The following IMPDH1 variants were observed in gnomAD, a reference collection of about 807,000 sequenced individuals.
IMPDH1 encodes inosine monophosphate dehydrogenase 1.
IMPDH1 carries 41 observed loss-of-function variants against 73.5 expected under a neutral mutation model. The observed-to-expected ratio is 0.56, with a 90% confidence interval of 0.43 to 0.72. The LOEUF (loss-of-function observed/expected upper bound fraction) is 0.72, where lower values mean the gene tolerates loss of function less well. Ranked by LOEUF, IMPDH1 falls within the 30% of genes least tolerant of loss-of-function variation. IMPDH1 has a pLI of 0.00. For missense variants in IMPDH1, 645 were observed against 824.8 expected (o/e 0.78, Z 2.67); for synonymous variants, 318 against 334.3 (o/e 0.95, Z 0.53).
rs1797734722 is a variant in IMPDH1 at position 128,394,160 on chromosome 7, C to T, written c.1778+118G>A. ...GTGAGGGGCCATCCTGCAGCAGCAT[C>T]TGTCCCTGCTGCAGGTGGTCCATGG... On this transcript the variant is annotated intron_variant, in intron 16 of 16. Coordinates refer to ENST00000338791, the MANE Select transcript of IMPDH1 (RefSeq NM_000883.4). This position sits in a 1 kb window ranked among gnomAD's most constrained non-coding sequence, Gnocchi z 5.5. 1.2e-6 allele frequency: 1 copy of T among 804,734 alleles called. No individual in the cohort carries two copies. Among genetic ancestry groups the T allele is most frequent in the Non-Finnish European group, 2.2e-6 (1 of 464,000 alleles). The allele number at this position is 804,734 out of a possible 1,614,324, so 49.8% of individuals were successfully genotyped here.
chr7:128,408,795 G>C (rs1036709702), intron 3 of IMPDH1, among the ~76,000 whole-genome samples: 2 of 152,240 alleles, frequency 1.3e-5, no homozygotes, highest in Admixed American at 1.3e-4. Context: ...TTCTAGGACA[G>C]GAGAAAGGCT....
rs1217307511 is a variant in IMPDH1 at position 128,396,857 on chromosome 7, G to T, written c.1165+75C>A. The T allele has an allele frequency of 1.2e-5, 15 of 1,233,890 alleles. No individual in the cohort carries two copies. Among genetic ancestry groups the T allele is most frequent in the Admixed American group, 3.4e-5 (2 of 58,442 alleles). 76.4% of individuals were successfully genotyped at this position (1,233,890 alleles called of 1,614,324 possible). A position where few individuals can be genotyped will look rare whatever the true frequency, so the allele number is the denominator to read the frequency against. On this transcript the variant is annotated intron_variant, in intron 11 of 16. Coordinates refer to ENST00000338791, the MANE Select transcript of IMPDH1 (RefSeq NM_000883.4). The surrounding 1 kb of genome is among the most constrained non-coding windows in gnomAD (Gnocchi z 4.0). Reference sequence around the variant, plus strand: ...TGCCAGGAGCCATACCATCACCTAGGGATGCTGAAGGACAGAAAAGGGTTA... The same window carrying T: ...TGCCAGGAGCCATACCATCACCTAGTGATGCTGAAGGACAGAAAAGGGTTA...
chr7:128,396,894 G>T lies in IMPDH1; in HGVS notation c.1165+38C>A. 7.0e-7 allele frequency: 1 copy of T among 1,435,770 alleles called. No individual in the cohort carries two copies. The highest frequency in any genetic ancestry group is 9.8e-7 in the Non-Finnish European group (1 of 1,017,876). 88.9% of individuals were successfully genotyped at this position (1,435,770 alleles called of 1,614,324 possible). A position where few individuals can be genotyped will look rare whatever the true frequency, so the allele number is the denominator to read the frequency against. ...ACAGAAAAGGGTTACTCATTGGAGG[G>T]GCAGGAGCAGGCGGGTGGGAGGCGA... On this transcript the variant is annotated intron_variant, in intron 11 of 16. Coordinates refer to ENST00000338791, the MANE Select transcript of IMPDH1 (RefSeq NM_000883.4). The surrounding 1 kb of genome is among the most constrained non-coding windows in gnomAD (Gnocchi z 4.0).
intron 3 of IMPDH1, among the ~76,000 whole-genome samples, chr7:128,406,393 G>A (rs1307883851): frequency 1.4e-5 from 2 of 147,746 alleles, no homozygotes; most frequent in African/African-American, 5.0e-5. Context: ...CGGTTCTGCC[G>A]TTCCCCAATC....
rs780871437 is a variant in IMPDH1, at chr7:128,400,330, T to C, written c.786+3A>G. 8.7e-6 allele frequency: 14 copies of C among 1,613,144 alleles called. No individual in the cohort carries two copies. The African/African-American group carries it at 9.3e-5, about 11-fold the overall frequency. On this transcript the variant is annotated splice_donor_region_variant and intron_variant, in intron 8 of 16. Transcript: ENST00000338791. ...AGCCCTGCTTCCCCTGCCCTGCAGG[T>C]ACCTCACTGAGGAGGGTGGTGTGGT...
In IMPDH1 at chr7:128,396,625, G is replaced by A. The variant is rs761238212; in HGVS notation, c.1236C>T (p.Cys412=). The change falls in exon 12 of 17, where the codon TGC becomes TGT. Residue 412 remains cysteine (C), a synonymous_variant. Transcript: ENST00000338791. This position sits in a 1 kb window ranked among gnomAD's most constrained non-coding sequence, Gnocchi z 4.0. ...GVDGLRVGMG[C]GSICITQEVM... is the part of the protein sequence containing the mutation. Reference sequence around the variant, plus strand: ...CTTCCTGGGTGATGCAGATGGAGCCGCAGCCCATGCCCACGCGCAGCCCGT... The same window carrying A: ...CTTCCTGGGTGATGCAGATGGAGCCACAGCCCATGCCCACGCGCAGCCCGT... The A allele has an allele frequency of 3.5e-5, 54 of 1,555,232 alleles. No homozygotes were observed. Among genetic ancestry groups the A allele is most frequent in the East Asian group, 4.8e-5 (2 of 41,402 alleles).
Position 128,402,922 on chromosome 7 carries a change from C to A in IMPDH1, c.402+784G>T, listed in dbSNP as rs2116689610. Among the ~76,000 whole-genome samples the A allele has an allele frequency of 2.0e-5, 3 of 152,314 alleles. No homozygotes were observed. In the South Asian group the frequency reaches 6.2e-4, roughly 32 times the overall value. ...AATGTAACTCTTTTAAACCCTCTTGCCAGTTCTTGTACATTGTGGATCAGT... is the reference window on the plus strand; with the variant it reads ...AATGTAACTCTTTTAAACCCTCTTGACAGTTCTTGTACATTGTGGATCAGT... On this transcript the variant is annotated intron_variant, in intron 5 of 16. Coordinates refer to ENST00000338791, the MANE Select transcript of IMPDH1 (RefSeq NM_000883.4).
chr7:128,409,571 C>T (rs1584761212), intron 1 of IMPDH1, 87 bp from the exon 2 acceptor site: 3 of 1,541,960 alleles, frequency 1.9e-6, no homozygotes, highest in African/African-American at 1.4e-5. Context: ...GCACAGTGCC[C>T]GTCTGCATCC....
intron 12 of IMPDH1, among the ~76,000 whole-genome samples, 180 bp from the exon 13 acceptor site, chr7:128,395,454 T>G (rs1797852199): frequency 6.6e-6 from 1 of 152,108 alleles, no homozygotes; most frequent in Non-Finnish European, 1.5e-5. Context: ...TGAGTGTCAC[T>G]CTAGGGATCT....
At chr7:128,405,458 C>A (rs1464629057) in intron 4 of IMPDH1, among the ~76,000 whole-genome samples, 5 of 152,208 alleles carry the variant, frequency 3.3e-5, no homozygotes, top group Non-Finnish European at 7.3e-5. Flanking sequence ...GGAAAAGTCT[C>A]CCCATAATGC....
chr7:128,409,688 C>A, intron 1 of IMPDH1, 68 bp downstream of exon 1: 1 of 1,522,272 alleles, frequency 6.6e-7, no homozygotes, highest in South Asian at 1.2e-5. Context: ...GCCGGGTTCC[C>A]GGAGCCGCCG....
At chr7:128,403,353 T>A (rs149451810) in intron 5 of IMPDH1, among the ~76,000 whole-genome samples, 2,020 of 151,938 alleles carry the variant, frequency 0.013, 48 homozygotes, top group African/African-American at 0.046. Context: ...AGCTCAGGAG[T>A]TTGAGACCAG....
Position 128,409,869 on chromosome 7 carries a change from C to A in IMPDH1, c.33G>T (p.Gln11His). 6.7e-7 allele frequency: 1 copy of A among 1,486,814 alleles called. No individual in the cohort carries two copies. The highest frequency in any genetic ancestry group is 8.9e-7 in the Non-Finnish European group (1 of 1,125,084). The allele number at this position is 1,486,814 out of a possible 1,614,324, so 92.1% of individuals were successfully genotyped here. A position where few individuals can be genotyped will look rare whatever the true frequency, so the allele number is the denominator to read the frequency against. The change falls in exon 1 of 17, where the codon CAG (glutamine) becomes CAT (histidine). Residue 11 changes from glutamine to histidine, a missense_variant. Physicochemically the swap from Gln to His is conservative, Grantham distance 24. This residue lies in a region of IMPDH1 where 186 missense variants were observed against 186.6 expected (regional missense o/e 1.00). Transcript: ENST00000338791. MEGPLTPPPL[Q>H]GGGAAAVPEP... The stretch of plus-strand genomic sequence containing the variant: ...CCGGAACAGCGGCGGCTCCGCCTCC[C>A]TGCAGCGGTGGTGGAGTGAGTGGCC...
intron 10 of IMPDH1, 129 bp from the exon 11 acceptor site, chr7:128,397,151 G>GTTTTT: frequency 9.1e-6 from 5 of 550,708 alleles, no homozygotes; most frequent in East Asian, 3.1e-5. Flanking sequence ...CCTTCTGGTT[G>GTTTTT]TTTTTTTTTT....
At chr7:128,406,293 A>AC (rs1308995809) in intron 3 of IMPDH1, among the ~76,000 whole-genome samples, 1 of 8,430 alleles carries the variant, frequency 1.2e-4, no homozygotes, top group African/African-American at 5.1e-4. Flanking sequence ...CCACCCCCCC[A>AC]CACCCCCACA....
chr7:128,397,015 G>T lies in IMPDH1; in HGVS notation c.1082C>A (p.Ser361Tyr). 1 of 1,613,434 alleles carries T rather than the reference G, an allele frequency of 6.2e-7. No homozygotes were observed. Among genetic ancestry groups the T allele is most frequent in the Non-Finnish European group, 8.5e-7 (1 of 1,179,348 alleles). The part of the protein sequence containing the change: ...AGVDVIVLDS[S>Y]QGNSVYQIAM... The stretch of plus-strand genomic sequence containing the variant: ...GATCTGATACACCGAATTCCCTTGG[G>T]ACGAGTCCTGTGAGAAAGGACGGAA... The change falls in exon 11 of 17, where the codon TCC (serine) becomes TAC (tyrosine). Residue 361 changes from serine (S) to tyrosine (Y), a missense_variant. Ser to Tyr is a moderately radical substitution (Grantham distance 144). Transcript: ENST00000338791.
chr7:128,392,758 G>A lies in IMPDH1; in HGVS notation c.*249C>T. On this transcript the variant is annotated 3_prime_UTR_variant, in exon 17 of 17. Transcript: ENST00000338791. ...AAGACCTGAGGCAGGCGCAGGGCCT[G>A]AGAGCCTGGCTGGCTGGGCTCGGAG... is the stretch of plus-strand genomic sequence containing the variant. The A allele has an allele frequency of 1.8e-6, 1 of 542,656 alleles. No individual in the cohort carries two copies. The highest frequency in any genetic ancestry group is 3.3e-6 in the Non-Finnish European group (1 of 301,466). The allele number at this position is 542,656 out of a possible 1,614,324, so 33.6% of individuals were successfully genotyped here. A position where few individuals can be genotyped will look rare whatever the true frequency, so the allele number is the denominator to read the frequency against.
chr7:128,392,980 C>T lies in IMPDH1; in HGVS notation c.*27G>A, dbSNP rs548049956. On this transcript the variant is annotated 3_prime_UTR_variant, in exon 17 of 17. Transcript: ENST00000338791. Reference sequence around the variant, plus strand: ...AAGTGGACACTGGGGTGCATCCCCTCCACCACCTCGGCCTCCACCGCTGTC... The same window carrying T: ...AAGTGGACACTGGGGTGCATCCCCTTCACCACCTCGGCCTCCACCGCTGTC... 6.2e-7 allele frequency: 1 copy of T among 1,612,894 alleles called. No homozygotes were observed. The highest frequency in any genetic ancestry group is 1.3e-5 in the African/African-American group (1 of 74,878).
In IMPDH1 at chr7:128,399,987, C is replaced by G. The variant is rs1798200627; in HGVS notation, c.874+108G>C. 5 of 903,104 alleles carry G rather than the reference C, an allele frequency of 5.5e-6. No homozygotes were observed. In the East Asian group the frequency reaches 1.2e-4, roughly 22 times the overall value. The allele number at this position is 903,104 out of a possible 1,614,324, so 55.9% of individuals were successfully genotyped here. ...TGCCTGAGGTTATTCGAACCTTCCC[C>G]AGGGCTCAGTCTGGTTGCTGGGATA... On this transcript the variant is annotated intron_variant, in intron 9 of 16. Transcript: ENST00000338791.
Sources: allele counts gnomAD v4.1 joint callset (sites outside exome capture counted in the v4.1 genomes callset), GRCh38; gene constraint gnomAD v4.1.1; regional missense constraint gnomAD v4.1.1; non-coding constraint Gnocchi (gnomAD v3.1); transcripts MANE v1.5; gene names NCBI Gene and HGNC (gene_info 2026-07-23, HGNC 2026-07-21).